Variants in ARHGEF3 observed in about 807,000 individuals in gnomAD.
ARHGEF3 encodes the protein 59.8 kDA protein.
A neutral mutation model predicts 63.2 loss-of-function variants in ARHGEF3; 28 were observed. That is an observed-to-expected ratio of 0.44 (90% CI 0.33 to 0.61). The LOEUF is 0.61. ARHGEF3 is among the 20% of genes least tolerant of loss of function. The probability of loss-of-function intolerance (pLI) is 0.03; values close to 1 mark genes in which losing one functional copy is unlikely to be tolerated. For synonymous variants in ARHGEF3, 266 were observed against 254.2 expected (o/e 1.05, Z -0.44); for missense variants, 533 against 659.3 (o/e 0.81, Z 2.10).
At chr3:56,824,768 T>C (rs1343899938) in intron 4 of ARHGEF3, among the ~76,000 whole-genome samples, 2 of 152,186 alleles carry the variant, frequency 1.3e-5, no homozygotes. Context: ...ACTTTAGCAA[T>C]TGTTTAGGGT....
chr3:56,894,578 C>A (rs557572089), intron 3 of ARHGEF3, among the ~76,000 whole-genome samples: 1 of 152,116 alleles, frequency 6.6e-6, no homozygotes, highest in South Asian at 2.1e-4. Flanking sequence ...CTGCTTGAAC[C>A]CAGGAGTTTG....
intron 4 of ARHGEF3, among the ~76,000 whole-genome samples, chr3:56,849,140 A>C (rs2039587755): frequency 6.6e-6 from 1 of 152,216 alleles, no homozygotes; most frequent in African/African-American, 2.4e-5. Context: ...TGCTGACGTG[A>C]GAGCAGCCTT....
intron 1 of ARHGEF3, among the ~76,000 whole-genome samples, chr3:57,045,711 G>T (rs115634412): frequency 1.4e-4 from 22 of 152,202 alleles, no homozygotes; most frequent in African/African-American, 5.3e-4. Flanking sequence ...AACCAGGGCA[G>T]AAGCACAAAA....
At position 56,737,321 on chromosome 3, in the gene ARHGEF3, T is replaced by C; in HGVS notation, c.905A>G (p.Asn302Ser). The C allele has an allele frequency of 6.2e-7, 1 of 1,613,036 alleles. No homozygotes were observed. Among genetic ancestry groups the C allele is most frequent in the South Asian group, 1.1e-5 (1 of 91,044 alleles). The change falls in exon 8 of 10, where the codon AAC (asparagine) becomes AGC (serine). Residue 302 changes from asparagine to serine, a missense_variant. Asn to Ser is a conservative substitution (Grantham distance 46, BLOSUM62 1). Coordinates refer to ENST00000296315, the MANE Select transcript of ARHGEF3 (RefSeq NM_019555.3). ...NIIQGIVAEI[N>S]TKTGESECRY... is the part of the protein sequence containing the mutation. ...GCATTCAGATTCACCAGTCTTGGTG[T>C]TGATTTCTGCCACAATTCCCTGAAT... is the stretch of plus-strand genomic sequence containing the variant.
intron 4 of ARHGEF3, among the ~76,000 whole-genome samples, chr3:56,855,292 T>C (rs1475494767): frequency 6.6e-6 from 1 of 152,164 alleles, no homozygotes. Context: ...CAAGACCACA[T>C]ATCTAAAAAG....
chr3:57,017,032 T>TCTCTCTCACACACACA (rs1221332567), intron 2 of ARHGEF3, among the ~76,000 whole-genome samples: 6 of 104,314 alleles, frequency 5.8e-5, no homozygotes, highest in African/African-American at 2.1e-4. Flanking sequence ...TCTCTCTCTC[T>TCTCTCTCACACACACA]CACACACACA....
intron 2 of ARHGEF3, among the ~76,000 whole-genome samples, chr3:56,989,781 C>T (rs1701678427): frequency 6.6e-6 from 1 of 152,330 alleles, no homozygotes; most frequent in African/African-American, 2.4e-5. Context: ...TGGCTTTCTG[C>T]TCACTCAGAC....
chr3:56,945,131 C>T (rs532563002), intron 3 of ARHGEF3, among the ~76,000 whole-genome samples: 4 of 152,086 alleles, frequency 2.6e-5, no homozygotes, highest in African/African-American at 9.6e-5. Context: ...AAGAAATTGC[C>T]AGGGGTGGAG....
intron 1 of ARHGEF3, among the ~76,000 whole-genome samples, chr3:56,780,816 T>C (rs556546375): frequency 3.3e-5 from 5 of 152,378 alleles, no homozygotes; most frequent in Admixed American, 3.3e-4. Flanking sequence ...TGGTATATCA[T>C]ATAGGTGGTA....
intron 2 of ARHGEF3, among the ~76,000 whole-genome samples, chr3:56,993,436 G>A (rs1266827278): frequency 1.3e-5 from 2 of 152,080 alleles, no homozygotes; most frequent in East Asian, 3.9e-4. Context: ...GTACAGTAGT[G>A]CGATCTTGGC....
chr3:56,946,092 A>T (rs2106638399), intron 3 of ARHGEF3, among the ~76,000 whole-genome samples: 1 of 152,300 alleles, frequency 6.6e-6, no homozygotes, highest in Non-Finnish European at 1.5e-5. Flanking sequence ...CAAAACTAAC[A>T]AACAGAAAGG....
At chr3:57,067,796 G>T (rs1344013433) in intron 1 of ARHGEF3, among the ~76,000 whole-genome samples, 1 of 149,840 alleles carries the variant, frequency 6.7e-6, no homozygotes, top group Non-Finnish European at 1.5e-5. Context: ...TGGCTAACAC[G>T]GTGAAACCCC....
At chr3:56,730,256 A>C (rs1440587570) in intron 9 of ARHGEF3, among the ~76,000 whole-genome samples, 2 of 152,154 alleles carry the variant, frequency 1.3e-5, no homozygotes, top group East Asian at 3.8e-4. Flanking sequence ...TTAGTATCCA[A>C]TGATGGAGAA....
At chr3:56,903,933 G>A (rs1380152478) in intron 3 of ARHGEF3, among the ~76,000 whole-genome samples, 10 of 152,024 alleles carry the variant, frequency 6.6e-5, no homozygotes, top group African/African-American at 1.9e-4. Flanking sequence ...GCATGATCAC[G>A]GCTCACTGCA....
intron 3 of ARHGEF3, among the ~76,000 whole-genome samples, chr3:56,936,220 C>G (rs1340522858): frequency 6.6e-6 from 1 of 152,066 alleles, no homozygotes; most frequent in Non-Finnish European, 1.5e-5. Flanking sequence ...CATGACAAGC[C>G]CAACAGTGCC....
chr3:56,859,369 G>C (rs1382373932), intron 4 of ARHGEF3, among the ~76,000 whole-genome samples: 1 of 151,894 alleles, frequency 6.6e-6, no homozygotes, highest in Non-Finnish European at 1.5e-5. Context: ...TCGATCTCCT[G>C]ACCTCGTGAT....
chr3:56,741,121 AAAT>A (rs1409022344), intron 7 of ARHGEF3, among the ~76,000 whole-genome samples: 1 of 152,110 alleles, frequency 6.6e-6, no homozygotes, highest in Non-Finnish European at 1.5e-5. Context: ...CATTTATTAA[AAAT>A]AATGTTTTGT....
chr3:56,992,397 A>AC (rs1701791444), intron 2 of ARHGEF3, among the ~76,000 whole-genome samples: 2 of 127,114 alleles, frequency 1.6e-5, no homozygotes, highest in Non-Finnish European at 3.2e-5. Flanking sequence ...AAAAAAAAAA[A>AC]AAAAAAAAAA....
intron 1 of ARHGEF3, chr3:57,073,825 C>T: frequency 6.2e-7 from 1 of 1,614,194 alleles, no homozygotes; most frequent in Non-Finnish European, 8.5e-7. Flanking sequence ...ACCCAACATC[C>T]CAACAAACCC....
Sources: allele counts gnomAD v4.1 joint callset (sites outside exome capture counted in the v4.1 genomes callset), GRCh38; gene constraint gnomAD v4.1.1; transcripts MANE v1.5; gene names NCBI Gene and HGNC (gene_info 2026-07-23, HGNC 2026-07-21).